Variants in FRMPD4 observed in about 807,000 individuals in gnomAD.
The protein encoded by FRMPD4 is FERM and PDZ domain containing 4.
In FRMPD4, 22 loss-of-function variants were observed where a neutral mutation model predicts 94.1. The observed-to-expected ratio is 0.23, with a 90% CI of 0.17 to 0.33. The LOEUF is 0.33. Among genes scored for constraint, FRMPD4 ranks in the 10% least tolerant of loss-of-function variants. The pLI is 1.00. For missense variants in FRMPD4, 1,111 were observed against 1,339.9 expected (o/e 0.83, Z 2.67); for synonymous variants, 631 against 548.6 (o/e 1.15, Z -2.10).
intron 1 of FRMPD4, among the ~76,000 whole-genome samples, chrX:12,488,442 G>GTT (rs1230862000): frequency 1.8e-5 from 2 of 111,743 alleles, no homozygotes; most frequent in African/African-American, 6.5e-5. Flanking sequence ...ACTAGAGTGA[G>GTT]TTTTTCCATT....
At chrX:12,655,880 TC>T (rs749435388) in intron 4 of FRMPD4, among the ~76,000 whole-genome samples, 2 of 111,732 alleles carry the variant, frequency 1.8e-5, no homozygotes, top group East Asian at 5.6e-4. Flanking sequence ...ACTTTGGGAG[TC>T]CCAATAATTT....
intron 1 of FRMPD4, among the ~76,000 whole-genome samples, chrX:12,211,896 A>C (rs1471112490): frequency 8.9e-6 from 1 of 112,237 alleles, no homozygotes; most frequent in Non-Finnish European, 1.9e-5. Context: ...AAAATGGCAA[A>C]ACTAATGTAT....
At chrX:12,364,785 A>G (rs751892248) in intron 1 of FRMPD4, among the ~76,000 whole-genome samples, 2 of 112,267 alleles carry the variant, frequency 1.8e-5, no homozygotes, top group South Asian at 3.7e-4. Flanking sequence ...CCTACCACCA[A>G]CAAAGCCATA....
chrX:12,527,443 C>G (rs764932362), intron 2 of FRMPD4, among the ~76,000 whole-genome samples: 1 of 107,593 alleles, frequency 9.3e-6, no homozygotes, highest in Admixed American at 1.0e-4. Flanking sequence ...TTAAGACTTG[C>G]AATATTAATT....
intron 3 of FRMPD4, among the ~76,000 whole-genome samples, chrX:12,000,689 CA>C (rs748663966): frequency 1.8e-5 from 2 of 111,513 alleles, no homozygotes; most frequent in East Asian, 2.8e-4. Context: ...ACTCAGGCAT[CA>C]CCCACCCCAG....
chrX:12,474,494 A>T (rs922280569), intron 1 of FRMPD4, among the ~76,000 whole-genome samples: 8 of 111,676 alleles, frequency 7.2e-5, no homozygotes, highest in South Asian at 3.8e-4. Flanking sequence ...GACACAAAAA[A>T]CCCTTCAAAA....
intron 1 of FRMPD4, among the ~76,000 whole-genome samples, chrX:11,858,676 C>T (rs1419316457): frequency 1.8e-5 from 2 of 111,007 alleles, no homozygotes; most frequent in Non-Finnish European, 3.8e-5. Context: ...ATATAACAAA[C>T]CTACACTTGT....
chrX:12,672,102 A>G (rs1238948385), intron 4 of FRMPD4, among the ~76,000 whole-genome samples: 4 of 112,329 alleles, frequency 3.6e-5, no homozygotes, highest in Non-Finnish European at 7.5e-5. Context: ...AGCTCCTTCC[A>G]GATTGAAATG....
intron 1 of FRMPD4, among the ~76,000 whole-genome samples, chrX:12,201,254 T>C (rs2056628229): frequency 8.9e-6 from 1 of 112,692 alleles, no homozygotes; most frequent in South Asian, 3.7e-4. Flanking sequence ...TTTCACAGCA[T>C]TTCTAAAAGA....
At chrX:12,703,977 G>C (rs2041832246) in intron 10 of FRMPD4, among the ~76,000 whole-genome samples, 1 of 112,068 alleles carries the variant, frequency 8.9e-6, no homozygotes, top group Admixed American at 9.5e-5. Context: ...TGAGCAGACA[G>C]GGAGATTGGA....
intron 3 of FRMPD4, among the ~76,000 whole-genome samples, chrX:12,104,140 C>T (rs2055276947): frequency 8.9e-6 from 1 of 112,216 alleles, no homozygotes. Context: ...CTAACATGCT[C>T]CTGTGATAAT....
intron 3 of FRMPD4, among the ~76,000 whole-genome samples, chrX:12,125,704 G>A (rs2055494175): frequency 8.9e-6 from 1 of 112,023 alleles, no homozygotes; most frequent in Non-Finnish European, 1.9e-5. Context: ...TTTCTTCAGA[G>A]TGGAACAATT....
In FRMPD4 at chrX:12,350,941, C is replaced by G. The variant is rs1487961986; in HGVS notation, c.42-147739C>G. Among the ~76,000 whole-genome samples, 5 of 111,941 alleles carry G rather than the reference C, an allele frequency of 4.5e-5. No individual in the cohort carries two copies. The East Asian group carries it at 1.4e-3, about 32-fold the overall frequency. On this transcript the variant is annotated intron_variant, in intron 1 of 16. Coordinates refer to ENST00000675598, the MANE Select transcript of FRMPD4 (RefSeq NM_001368397.1). ...CTGTAATCCCAACACTTTGGGAGGC[C>G]AAGGCGGGCAGATCACGAGGTCAGG...
At chrX:12,678,760 G>A (rs1224359819) in intron 5 of FRMPD4, among the ~76,000 whole-genome samples, 1 of 112,185 alleles carries the variant, frequency 8.9e-6, no homozygotes, top group Non-Finnish European at 1.9e-5. Context: ...GGGAGGCAGA[G>A]GTTGCAGTGA....
At chrX:12,492,586 G>A (rs1422355599) in intron 1 of FRMPD4, among the ~76,000 whole-genome samples, 1 of 111,726 alleles carries the variant, frequency 9.0e-6, no homozygotes, top group Admixed American at 9.5e-5. Context: ...ATGAGGCTTG[G>A]CATTAATATT....
intron 3 of FRMPD4, among the ~76,000 whole-genome samples, chrX:11,977,577 G>A (rs192661877): frequency 1.2e-4 from 13 of 112,099 alleles, no homozygotes; most frequent in Non-Finnish European, 1.9e-4. Context: ...GCCCTTAGGC[G>A]GTCCTGAGAA....
chrX:12,539,399 C>T (rs2058378559), intron 2 of FRMPD4, among the ~76,000 whole-genome samples: 1 of 111,740 alleles, frequency 8.9e-6, no homozygotes, highest in Non-Finnish European at 1.9e-5. Flanking sequence ...CCCAACCTAG[C>T]AAGGCAGGCC....
At chrX:12,101,471 G>A (rs968996121) in intron 3 of FRMPD4, among the ~76,000 whole-genome samples, 1 of 111,534 alleles carries the variant, frequency 9.0e-6, no homozygotes, top group South Asian at 3.7e-4. Flanking sequence ...CTTCTACATG[G>A]TTGCTCTTCA....
chrX:12,685,442 G>A (rs775090994), intron 6 of FRMPD4, among the ~76,000 whole-genome samples: 4 of 112,071 alleles, frequency 3.6e-5, no homozygotes, highest in Admixed American at 9.5e-5. Flanking sequence ...TTTTTGTCAT[G>A]TTTCAAGCTG....
Sources: allele counts gnomAD v4.1 joint callset (sites outside exome capture counted in the v4.1 genomes callset), GRCh38; gene constraint gnomAD v4.1.1; transcripts MANE v1.5; gene names NCBI Gene and HGNC (gene_info 2026-07-23, HGNC 2026-07-21).